Variants in XKR9 observed in about 807,000 individuals in gnomAD.
The protein encoded by XKR9 is XK related 9.
XKR9 carries 32 observed loss-of-function variants against 32.0 expected under a neutral mutation model. That is an observed-to-expected ratio of 1.00 (90% CI 0.76 to 1.34). The LOEUF is 1.34. Among genes scored for constraint, XKR9 ranks in the 40% most tolerant of loss-of-function variants. XKR9 has a pLI of 0.00. For synonymous variants in XKR9, 168 were observed against 143.4 expected (o/e 1.17, Z -1.22); for missense variants, 546 against 429.7 (o/e 1.27, Z -2.39).
chr8:70,716,141 A>G (rs1806080419), intron 4 of XKR9, among the ~76,000 whole-genome samples: 1 of 152,126 alleles, frequency 6.6e-6, no homozygotes, highest in South Asian at 2.1e-4. Context: ...GTAGATGTAT[A>G]TAGAGGAGTT....
the XKR9 span, among the ~76,000 whole-genome samples, chr8:70,858,522 T>A: frequency 6.6e-6 from 1 of 152,154 alleles, no homozygotes; most frequent in East Asian, 1.9e-4. Context: ...AAAATTGATA[T>A]GTAACCACAA....
chr8:70,769,836 C>G (rs1807429092), intron 2 of XKR9, among the ~76,000 whole-genome samples: 1 of 152,094 alleles, frequency 6.6e-6, no homozygotes, highest in East Asian at 1.9e-4. Context: ...TTAGCATTTC[C>G]TGTAACCTTT....
At chr8:70,974,625 A>G in the XKR9 span, among the ~76,000 whole-genome samples, 1 of 151,688 alleles carries the variant, frequency 6.6e-6, no homozygotes, top group East Asian at 1.9e-4. Context: ...GCCACATTTT[A>G]ATCCAGTCTA....
intron 2 of XKR9, among the ~76,000 whole-genome samples, chr8:70,781,319 T>C (rs1363316864): frequency 2.0e-5 from 3 of 152,164 alleles, no homozygotes; most frequent in Non-Finnish European, 4.4e-5. Flanking sequence ...TTCTGGTTAC[T>C]AGACCCTCAT....
chr8:70,794,598 G>A (rs1325920271), downstream of XKR9, among the ~76,000 whole-genome samples: 1 of 151,954 alleles, frequency 6.6e-6, no homozygotes, highest in East Asian at 1.9e-4. Flanking sequence ...TTGTTGATAT[G>A]ATCATGAGTG....
At chr8:70,674,686 A>G (rs1586800813) in intron 1 of XKR9, 132 bp from the exon 2 acceptor site, 2 of 152,256 alleles carry the variant, frequency 1.3e-5, no homozygotes, top group East Asian at 3.8e-4. Flanking sequence ...AAAAGGGTGT[A>G]CTGTATTCAC....
rs1324464128 is a variant in XKR9, at chr8:70,735,073, A to G, written c.*649A>G. 1 of 152,128 alleles carries G rather than the reference A, an allele frequency of 6.6e-6. No individual in the cohort carries two copies. The highest frequency in any genetic ancestry group is 1.5e-5 in the Non-Finnish European group (1 of 68,024). 9.4% of individuals were successfully genotyped at this position (152,128 alleles called of 1,614,324 possible). On this transcript the variant is annotated 3_prime_UTR_variant, in exon 5 of 5. Transcript: ENST00000408926. ...TTTGTGCTAGAATAGTTGTATCTAAATCATATTTTAAAATTATTTTTATTT... is the reference window on the plus strand; with the variant it reads ...TTTGTGCTAGAATAGTTGTATCTAAGTCATATTTTAAAATTATTTTTATTT...
chr8:71,034,850 G>C, the XKR9 span, among the ~76,000 whole-genome samples: 1 of 152,148 alleles, frequency 6.6e-6, no homozygotes. Context: ...AAAACTTGGG[G>C]ATAGTTTATT....
intron 2 of XKR9, among the ~76,000 whole-genome samples, chr8:70,766,468 G>A (rs1391433966): frequency 2.6e-5 from 4 of 152,210 alleles, no homozygotes; most frequent in African/African-American, 9.7e-5. Context: ...GACTGCTGAA[G>A]TTGCTTATTA....
At chr8:70,671,546 A>C in intron 1 of XKR9, among the ~76,000 whole-genome samples, 2 of 81,804 alleles carry the variant, frequency 2.4e-5, no homozygotes, top group African/African-American at 3.7e-5. Flanking sequence ...ATGTGATCTC[A>C]TTGTTCAATT....
At chr8:70,891,648 A>T in the XKR9 span, among the ~76,000 whole-genome samples, 1 of 151,890 alleles carries the variant, frequency 6.6e-6, no homozygotes, top group East Asian at 1.9e-4. Context: ...GGTCAGAAAA[A>T]ATATTTGAGA....
chr8:70,806,949 C>A, the XKR9 span, among the ~76,000 whole-genome samples: 1 of 151,948 alleles, frequency 6.6e-6, no homozygotes, highest in South Asian at 2.1e-4. Flanking sequence ...CAGATCAACC[C>A]CCAGAGACAT....
chr8:70,681,930 C>T (rs547723850), intron 3 of XKR9, among the ~76,000 whole-genome samples: 27 of 152,120 alleles, frequency 1.8e-4, no homozygotes, highest in African/African-American at 6.5e-4. Flanking sequence ...TGTTAAAAAG[C>T]AATTCATGAT....
chr8:70,727,847 A>G (rs1806527459), intron 4 of XKR9, among the ~76,000 whole-genome samples: 1 of 151,802 alleles, frequency 6.6e-6, no homozygotes. Flanking sequence ...ACGAGATCAG[A>G]TGAGTCAGTT....
chr8:70,931,703 C>T, the XKR9 span, among the ~76,000 whole-genome samples: 1 of 152,122 alleles, frequency 6.6e-6, no homozygotes, highest in African/African-American at 2.4e-5. Flanking sequence ...AGGGAGCTTA[C>T]AATCATGGCA....
chr8:70,952,153 TAC>T, the XKR9 span, among the ~76,000 whole-genome samples: 41,720 of 147,948 alleles, frequency 0.28, 6,280 homozygotes, highest in East Asian at 0.62. Context: ...AGAAAACCTT[TAC>T]ACACACACAC....
At chr8:70,918,998 C>T in the XKR9 span, among the ~76,000 whole-genome samples, 1 of 151,810 alleles carries the variant, frequency 6.6e-6, no homozygotes, top group African/African-American at 2.4e-5. Flanking sequence ...AGGATGGTCT[C>T]AATTTCCTGA....
intron 2 of XKR9, among the ~76,000 whole-genome samples, chr8:70,750,156 G>A (rs1289359673): frequency 6.6e-6 from 1 of 152,098 alleles, no homozygotes; most frequent in Non-Finnish European, 1.5e-5. Context: ...TTAAACAATG[G>A]TTTTATTTAT....
intron 2 of XKR9, among the ~76,000 whole-genome samples, chr8:70,785,851 A>G (rs780508848): frequency 6.7e-6 from 1 of 150,364 alleles, no homozygotes; most frequent in Admixed American, 6.7e-5. Context: ...TATATTTTCT[A>G]TGTCATTTGT....
Sources: allele counts gnomAD v4.1 joint callset (sites outside exome capture counted in the v4.1 genomes callset), GRCh38; gene constraint gnomAD v4.1.1; transcripts MANE v1.5; gene names NCBI Gene and HGNC (gene_info 2026-07-23, HGNC 2026-07-21).